The following NT5M variants were observed in gnomAD, a reference collection of about 807,000 sequenced individuals.
NT5M encodes 5',3'-nucleotidase, mitochondrial, also known as 5'(3')-deoxyribonucleotidase, mitochondrial.
A neutral mutation model predicts 22.2 loss-of-function variants in NT5M; 22 were observed. That is an observed-to-expected ratio of 0.99 (90% CI 0.71 to 1.41). The LOEUF (loss-of-function observed/expected upper bound fraction) is 1.41. Ranked by LOEUF, NT5M falls within the 40% of genes most tolerant of loss-of-function variation. The probability of loss-of-function intolerance (pLI) is 0.00; values close to 1 mark genes in which losing one functional copy is unlikely to be tolerated. For synonymous variants in NT5M, 167 were observed against 133.0 expected (o/e 1.26, Z -1.76); for missense variants, 322 against 314.8 (o/e 1.02, Z -0.17).
intron 3 of NT5M, among the ~76,000 whole-genome samples, chr17:17,332,775 C>T (rs148570767): frequency 2.6e-5 from 4 of 152,258 alleles, no homozygotes; most frequent in African/African-American, 7.2e-5. Flanking sequence ...GTTGAACCTA[C>T]GTCAGTGCAC....
chr17:17,344,635 C>G (rs1305557048), intron 3 of NT5M, among the ~76,000 whole-genome samples, 159 bp from the exon 4 acceptor site: 1 of 152,168 alleles, frequency 6.6e-6, no homozygotes, highest in Non-Finnish European at 1.5e-5. Flanking sequence ...GGACTCCCTC[C>G]CAGCACTGAC....
At chr17:17,343,845 A>C (rs967401922) in intron 3 of NT5M, among the ~76,000 whole-genome samples, 23 of 152,180 alleles carry the variant, frequency 1.5e-4, no homozygotes, top group African/African-American at 5.5e-4. Context: ...AGAAATCAAC[A>C]AGGGTGTTGG....
In NT5M at chr17:17,303,379, G is replaced by A. The variant is rs2048720229; in HGVS notation, c.-172G>A. The A allele has an allele frequency of 1.3e-6, 1 of 772,382 alleles. No individual in the cohort carries two copies. 47.8% of individuals were successfully genotyped at this position (772,382 alleles called of 1,614,324 possible). ...CCGCGCGCGCCGCGGCCTCGCTCTG[G>A]GGCCGGTACTTGCGCGCCCGCACCC... On this transcript the variant is annotated 5_prime_UTR_variant, in exon 1 of 5. Transcript: ENST00000389022.
intron 4 of NT5M, chr17:17,345,250 CA>C (rs2049733107): frequency 9.1e-7 from 1 of 1,096,756 alleles, no homozygotes; most frequent in East Asian, 6.2e-5. Context: ...TTTTTTCCCC[CA>C]AAAGCAATGT....
At chr17:17,305,398 C>CCG (rs1205096329) in intron 1 of NT5M, among the ~76,000 whole-genome samples, 3 of 107,322 alleles carry the variant, frequency 2.8e-5, no homozygotes, top group Non-Finnish European at 5.4e-5. Context: ...ACAACCGCCC[C>CCG]CCCCCCCCCG....
intron 2 of NT5M, among the ~76,000 whole-genome samples, chr17:17,320,645 A>G (rs1457130910): frequency 1.3e-5 from 2 of 152,032 alleles, no homozygotes; most frequent in Non-Finnish European, 2.9e-5. Flanking sequence ...GTGGGTGGAA[A>G]CTTGGTGCTG....
At chr17:17,339,885 T>C (rs1363524659) in intron 3 of NT5M, among the ~76,000 whole-genome samples, 1 of 152,226 alleles carries the variant, frequency 6.6e-6, no homozygotes, top group Admixed American at 6.5e-5. Flanking sequence ...TGCTAATCTT[T>C]TGTTGAGGAT....
rs1373278871 is a variant in NT5M at position 17,323,500 on chromosome 17, A to G, written c.429+255A>G. ...CCAGAGTAGGCCTTTGAAGGGTGAG[A>G]ACCATGCCTGGGGAGGGCCTGAAGG... On this transcript the variant is annotated intron_variant, in intron 3 of 4. Transcript: ENST00000389022. 2.6e-5 allele frequency among the ~76,000 whole-genome samples: 4 copies of G among 152,232 alleles called. No homozygotes were observed. The East Asian group carries it at 7.7e-4, about 29-fold the overall frequency.
At chr17:17,342,444 G>A (rs1340964982) in intron 3 of NT5M, among the ~76,000 whole-genome samples, 1 of 152,156 alleles carries the variant, frequency 6.6e-6, no homozygotes, top group Non-Finnish European at 1.5e-5. Flanking sequence ...CGGAAACTGG[G>A]TGTGTGTGAT....
At chr17:17,330,433 T>C (rs1335681159) in intron 3 of NT5M, among the ~76,000 whole-genome samples, 8 of 149,946 alleles carry the variant, frequency 5.3e-5, no homozygotes, top group African/African-American at 2.5e-5. Context: ...TGGAATGCAA[T>C]GGCGTGATCT....
At chr17:17,322,669 G>C (rs966000867) in intron 2 of NT5M, among the ~76,000 whole-genome samples, 2 of 141,696 alleles carry the variant, frequency 1.4e-5, no homozygotes, top group African/African-American at 5.0e-5. Context: ...CATTAGTGAG[G>C]GCTGGGGCCC....
chr17:17,309,124 TTTC>T (rs948519056), intron 2 of NT5M, among the ~76,000 whole-genome samples: 2 of 142,840 alleles, frequency 1.4e-5, no homozygotes, highest in African/African-American at 2.8e-5. Context: ...TTTTTCTTTC[TTTC>T]TTTTTTTTTT....
At chr17:17,326,859 C>T (rs2049278176) in intron 3 of NT5M, among the ~76,000 whole-genome samples, 1 of 152,182 alleles carries the variant, frequency 6.6e-6, no homozygotes, top group Non-Finnish European at 1.5e-5. Context: ...ATCTACAATC[C>T]CACCACCTGG....
At chr17:17,315,206 A>G (rs544150928) in intron 2 of NT5M, among the ~76,000 whole-genome samples, 2 of 152,302 alleles carry the variant, frequency 1.3e-5, no homozygotes, top group South Asian at 4.1e-4. Flanking sequence ...TGATTTTAAC[A>G]TGGTGCTCAC....
chr17:17,344,820 C>T lies in NT5M; in HGVS notation c.456C>T (p.Gly152=), dbSNP rs1336079652. 3.7e-6 allele frequency: 6 copies of T among 1,614,072 alleles called. No individual in the cohort carries two copies. In the African/African-American group the frequency reaches 5.3e-5, roughly 14 times the overall value. ...EKYAWVEKYF[G]PDFLEQIVLT... ...ATGCCTGGGTGGAGAAGTACTTTGG[C>T]CCTGACTTTCTGGAGCAGATTGTGC... The change falls in exon 4 of 5, where the codon GGC becomes GGT. Residue 152 remains glycine, a synonymous_variant. Coordinates refer to ENST00000389022, the MANE Select transcript of NT5M (RefSeq NM_020201.4).
intron 3 of NT5M, among the ~76,000 whole-genome samples, chr17:17,332,595 C>A (rs996159560): frequency 6.6e-6 from 1 of 152,300 alleles, no homozygotes; most frequent in Admixed American, 6.5e-5. Context: ...CCTTTACATT[C>A]ATCTGGGCTG....
At chr17:17,318,591 G>A (rs2049083988) in intron 2 of NT5M, among the ~76,000 whole-genome samples, 1 of 150,564 alleles carries the variant, frequency 6.6e-6, no homozygotes. Context: ...TTTGAGACCA[G>A]CCTTACCAAC....
intron 3 of NT5M, among the ~76,000 whole-genome samples, chr17:17,341,169 G>A (rs369904210): frequency 6.6e-6 from 1 of 152,080 alleles, no homozygotes; most frequent in South Asian, 2.1e-4. Context: ...AAAAATACAT[G>A]TGATTTTTTT....
Position 17,323,114 on chromosome 17 carries a change from G to A in NT5M, c.369-71G>A, listed in dbSNP as rs2049185341. ...GAGGGTCCAGCCCTGTGAAGGCAGG[G>A]CAGGTGGTGAAGGCCTCGGGGTGGT... On this transcript the variant is annotated intron_variant, in intron 2 of 4. Coordinates refer to ENST00000389022, the MANE Select transcript of NT5M (RefSeq NM_020201.4). 3.3e-6 allele frequency: 4 copies of A among 1,211,772 alleles called. No homozygotes were observed. In the East Asian group the frequency reaches 9.3e-5, roughly 28 times the overall value. 75.1% of individuals were successfully genotyped at this position (1,211,772 alleles called of 1,614,324 possible).
Sources: allele counts gnomAD v4.1 joint callset (sites outside exome capture counted in the v4.1 genomes callset), GRCh38; gene constraint gnomAD v4.1.1; transcripts MANE v1.5; gene names NCBI Gene and HGNC (gene_info 2026-07-23, HGNC 2026-07-21).